Variants in DOCK1 observed in about 807,000 individuals in gnomAD.
DOCK1 encodes dedicator of cytokinesis protein 1.
In DOCK1, 138 loss-of-function variants were observed where a neutral mutation model predicts 262.7. The observed-to-expected ratio is 0.53, with a 90% confidence interval of 0.46 to 0.61. The LOEUF (loss-of-function observed/expected upper bound fraction) is 0.61, where lower values mean the gene tolerates loss of function less well. DOCK1 is among the 20% of genes least tolerant of loss of function. The pLI is 0.00. For synonymous variants in DOCK1, 866 were observed against 867.4 expected (o/e 1.00, Z 0.03); for missense variants, 1,908 against 2,370.7 (o/e 0.80, Z 4.05).
At chr10:127,281,022 C>T (rs1256513374) in intron 29 of DOCK1, among the ~76,000 whole-genome samples, 1 of 152,172 alleles carries the variant, frequency 6.6e-6, no homozygotes, top group Non-Finnish European at 1.5e-5. Context: ...AATATATTTC[C>T]ATTTAGCAAG....
chr10:126,933,389 G>C (rs1220462838), intron 1 of DOCK1, among the ~76,000 whole-genome samples: 1 of 152,134 alleles, frequency 6.6e-6, no homozygotes, highest in Non-Finnish European at 1.5e-5. Context: ...ACTGTCAGAG[G>C]GGTAAGGAAG....
intron 4 of DOCK1, 84 bp from the exon 5 acceptor site, chr10:126,987,437 G>A (rs1388301129): frequency 1.8e-6 from 2 of 1,106,962 alleles, no homozygotes; most frequent in East Asian, 5.2e-5. Context: ...GAACGCTATG[G>A]CCTAGATGTG....
intron 22 of DOCK1, among the ~76,000 whole-genome samples, chr10:127,061,437 G>A (rs1240054651): frequency 6.6e-6 from 1 of 152,148 alleles, no homozygotes; most frequent in Non-Finnish European, 1.5e-5. Flanking sequence ...GAAAAATGCA[G>A]TGAGTGGTAG....
intron 27 of DOCK1, among the ~76,000 whole-genome samples, chr10:127,178,005 A>C (rs550598566): frequency 6.6e-6 from 1 of 152,288 alleles, no homozygotes; most frequent in Non-Finnish European, 1.5e-5. Context: ...CAGCTGTCCA[A>C]CAGACAGAGG....
intron 27 of DOCK1, among the ~76,000 whole-genome samples, chr10:127,142,410 G>A (rs1243218680): frequency 6.6e-6 from 1 of 152,180 alleles, no homozygotes; most frequent in Non-Finnish European, 1.5e-5. Context: ...GAGGGATCTG[G>A]TGTTTGTAAA....
At chr10:127,056,517 C>T (rs192210029) in intron 22 of DOCK1, among the ~76,000 whole-genome samples, 2 of 152,234 alleles carry the variant, frequency 1.3e-5, no homozygotes, top group East Asian at 3.9e-4. Flanking sequence ...TGTTGATACT[C>T]ATGTTCCTTC....
intron 27 of DOCK1, among the ~76,000 whole-genome samples, chr10:127,133,706 T>C (rs2050464183): frequency 6.6e-6 from 1 of 152,212 alleles, no homozygotes; most frequent in South Asian, 2.1e-4. Flanking sequence ...AGCAAAGATA[T>C]TTGCAAAACC....
intron 51 of DOCK1, among the ~76,000 whole-genome samples, chr10:127,450,034 A>C (rs541368349): frequency 6.6e-6 from 1 of 152,352 alleles, no homozygotes; most frequent in East Asian, 1.9e-4. Flanking sequence ...TGGCTTTCAC[A>C]TGTAAACAAA....
Position 127,100,484 on chromosome 10 carries a change from TAGGGTCAGCC to T in DOCK1, c.2446-5741_2446-5732del, listed in dbSNP as rs2048175832. On this transcript the variant is annotated intron_variant, in intron 23 of 51. Transcript: ENST00000623213. This position sits in a 1 kb window ranked among gnomAD's most constrained non-coding sequence, Gnocchi z 5.5. ...CAAGGCAGGGGGAGTTTGCAATGTC[TAGGGTCAGCC>T]AGGGTGGACCCCGGTGGGTGTGGGG... is the stretch of plus-strand genomic sequence containing the variant. 6.6e-6 allele frequency among the ~76,000 whole-genome samples: 1 copy of T among 152,046 alleles called. No homozygotes were observed. The highest frequency in any genetic ancestry group is 1.5e-5 in the Non-Finnish European group (1 of 68,002).
At chr10:126,990,071 C>T (rs1488627820) in intron 5 of DOCK1, among the ~76,000 whole-genome samples, 1 of 152,146 alleles carries the variant, frequency 6.6e-6, no homozygotes, top group Admixed American at 6.6e-5. Context: ...GGATTCAGAT[C>T]TTTAGGCTCA....
In DOCK1 at chr10:127,073,646, C is replaced by T. The variant is rs547742949; in HGVS notation, c.2445+11870C>T. Among the ~76,000 whole-genome samples, 34 of 152,264 alleles carry T rather than the reference C, an allele frequency of 2.2e-4. 1 individual carries two copies. In the South Asian group the frequency reaches 2.9e-3, roughly 13 times the overall value. On this transcript the variant is annotated intron_variant, in intron 23 of 51. Coordinates refer to ENST00000623213, the MANE Select transcript of DOCK1 (RefSeq NM_001290223.2). Reference sequence around the variant, plus strand: ...ATAGTCTTCGAGGACACAGAGTGACCGTCTCCCTCTTTAAGGCAATGTTAA... The same window carrying T: ...ATAGTCTTCGAGGACACAGAGTGACTGTCTCCCTCTTTAAGGCAATGTTAA...
At chr10:127,341,704 T>G (rs2063434337) in intron 30 of DOCK1, among the ~76,000 whole-genome samples, 1 of 152,284 alleles carries the variant, frequency 6.6e-6, no homozygotes, top group Admixed American at 6.5e-5. Context: ...TTTCGTCCTG[T>G]TTCATGAGGA....
chr10:127,003,385 T>C (rs1017688419), intron 10 of DOCK1, among the ~76,000 whole-genome samples: 1 of 152,228 alleles, frequency 6.6e-6, no homozygotes, highest in Non-Finnish European at 1.5e-5. Context: ...CTGTGTGAAG[T>C]GCTTCAGAGA....
At chr10:127,388,828 T>A (rs1400463321) in intron 38 of DOCK1, among the ~76,000 whole-genome samples, 1 of 151,828 alleles carries the variant, frequency 6.6e-6, no homozygotes, top group Non-Finnish European at 1.5e-5. Context: ...GGCAGGTGAG[T>A]GTGAGCGGCA....
intron 13 of DOCK1, among the ~76,000 whole-genome samples, chr10:127,019,984 G>A (rs2042298673): frequency 6.6e-6 from 1 of 152,156 alleles, no homozygotes; most frequent in Non-Finnish European, 1.5e-5. Context: ...GCTTACTTTA[G>A]TGCAACTTCA....
chr10:127,431,782 C>G (rs916600421), intron 47 of DOCK1, among the ~76,000 whole-genome samples: 1 of 152,182 alleles, frequency 6.6e-6, no homozygotes, highest in East Asian at 1.9e-4. Flanking sequence ...GCAGCGCGTG[C>G]TAGTTTCCAC....
At chr10:126,975,424 C>A (rs1189421305) in intron 2 of DOCK1, among the ~76,000 whole-genome samples, 2 of 152,186 alleles carry the variant, frequency 1.3e-5, no homozygotes, top group Non-Finnish European at 2.9e-5. Flanking sequence ...CTGCTTCTCC[C>A]AGGCTGGTTG....
At chr10:127,342,143 G>A (rs2063461307) in intron 30 of DOCK1, among the ~76,000 whole-genome samples, 1 of 152,110 alleles carries the variant, frequency 6.6e-6, no homozygotes, top group African/African-American at 2.4e-5. Flanking sequence ...AGGTAGAAAT[G>A]AAGATCTATT....
intron 23 of DOCK1, among the ~76,000 whole-genome samples, chr10:127,099,630 G>T (rs1348665571): frequency 6.6e-6 from 1 of 152,046 alleles, no homozygotes; most frequent in East Asian, 1.9e-4. Flanking sequence ...GTCTTAAACC[G>T]CCAGCTCTCA....
Sources: allele counts gnomAD v4.1 joint callset (sites outside exome capture counted in the v4.1 genomes callset), GRCh38; gene constraint gnomAD v4.1.1; non-coding constraint Gnocchi (gnomAD v3.1); transcripts MANE v1.5; gene names NCBI Gene and HGNC (gene_info 2026-07-23, HGNC 2026-07-21).